Variants in SLC39A11 observed in about 807,000 individuals in gnomAD.
The protein encoded by SLC39A11 is solute carrier family 39 member 11.
SLC39A11 carries 33 observed loss-of-function variants against 36.1 expected under a neutral mutation model. The observed-to-expected ratio is 0.91, with a 90% CI of 0.69 to 1.22. SLC39A11 has a LOEUF of 1.22. Ranked by LOEUF, SLC39A11 falls within the 50% of genes most tolerant of loss-of-function variation. The pLI, the probability that SLC39A11 is intolerant of heterozygous loss-of-function variation, is 0.00. For synonymous variants in SLC39A11, 166 were observed against 170.3 expected (o/e 0.97, Z 0.20); for missense variants, 432 against 430.3 (o/e 1.00, Z -0.03).
intron 4 of SLC39A11, among the ~76,000 whole-genome samples, chr17:73,015,661 G>A (rs946716159): frequency 1.3e-5 from 2 of 152,062 alleles, no homozygotes; most frequent in Admixed American, 6.5e-5. Flanking sequence ...TTGGCTCACT[G>A]CAACCCCCAC....
In SLC39A11 at chr17:72,665,389, G is replaced by GTTTTTTTTTTTTTTTTTTTTTTTTTTTT. The variant is rs780329919; in HGVS notation, c.672-16122_672-16121insAAAAAAAAAAAAAAAAAAAAAAAAAAAA. The stretch of plus-strand genomic sequence containing the variant: ...GGTTTAAGCCACCAAGTTTTGAGGT[G>GTTTTTTTTTTTTTTTTTTTTTTTTTTTT]TTTTTTTTTTTTTTTTTTTTTGAGA... On this transcript the variant is annotated intron_variant, in intron 7 of 9. Coordinates refer to ENST00000255559, the MANE Select transcript of SLC39A11 (RefSeq NM_139177.4). 3.9e-5 allele frequency among the ~76,000 whole-genome samples: 3 copies of GTTTTTTTTTTTTTTTTTTTTTTTTTTTT among 76,636 alleles called. 1 individual carries two copies. Among genetic ancestry groups the GTTTTTTTTTTTTTTTTTTTTTTTTTTTT allele is most frequent in the East Asian group, 3.6e-4 (1 of 2,742 alleles). 50.3% of individuals were successfully genotyped at this position (76,636 alleles called of 152,430 possible). A position where few individuals can be genotyped will look rare whatever the true frequency, so the allele number is the denominator to read the frequency against.
chr17:72,891,288 G>T (rs1004472578), intron 5 of SLC39A11, among the ~76,000 whole-genome samples: 1 of 152,118 alleles, frequency 6.6e-6, no homozygotes, highest in African/African-American at 2.4e-5. Context: ...GGGCGTGGTG[G>T]CACATGCCTG....
intron 4 of SLC39A11, among the ~76,000 whole-genome samples, chr17:73,020,680 CTTTTTTTTTTT>C (rs71154945): frequency 1.0e-5 from 1 of 98,890 alleles, no homozygotes; most frequent in Non-Finnish European, 1.9e-5. Flanking sequence ...TTGTTTCTTT[CTTTTTTTTTTT>C]TTTTTTTTTT....
At chr17:72,990,618 G>C (rs1271419465) in intron 4 of SLC39A11, among the ~76,000 whole-genome samples, 1 of 152,128 alleles carries the variant, frequency 6.6e-6, no homozygotes, top group Non-Finnish European at 1.5e-5. Flanking sequence ...AGTAGAGACA[G>C]GGTTTCACCA....
intron 5 of SLC39A11, among the ~76,000 whole-genome samples, chr17:72,932,964 G>A (rs1018960572): frequency 1.3e-5 from 2 of 152,200 alleles, no homozygotes; most frequent in East Asian, 1.9e-4. Flanking sequence ...TTCATCTACC[G>A]AAAACCTACA....
intron 6 of SLC39A11, among the ~76,000 whole-genome samples, chr17:72,746,955 A>G (rs2713981): frequency 0.73 from 110,526 of 151,320 alleles, 40,810 homozygotes; most frequent in African/African-American, 0.8. Context: ...GCTGAGGAGG[A>G]AGGATCGTTT....
At chr17:72,780,860 G>A (rs753897266) in intron 6 of SLC39A11, among the ~76,000 whole-genome samples, 6 of 152,126 alleles carry the variant, frequency 3.9e-5, no homozygotes, top group African/African-American at 9.7e-5. Context: ...GGTGGCAAAC[G>A]TCTGTAATCC....
intron 4 of SLC39A11, among the ~76,000 whole-genome samples, chr17:73,015,224 T>G (rs2090743878): frequency 6.6e-6 from 1 of 152,204 alleles, no homozygotes; most frequent in Admixed American, 6.5e-5. Context: ...CTTCTAAATG[T>G]CTCTCAAACA....
At chr17:72,863,126 C>T (rs577323794) in intron 5 of SLC39A11, among the ~76,000 whole-genome samples, 5 of 152,216 alleles carry the variant, frequency 3.3e-5, no homozygotes, top group Non-Finnish European at 2.9e-5. Flanking sequence ...ACAAAGGAAA[C>T]CCATTAAAAA....
intron 5 of SLC39A11, among the ~76,000 whole-genome samples, chr17:72,904,371 G>A (rs1270715494): frequency 1.3e-5 from 2 of 152,210 alleles, no homozygotes. Flanking sequence ...AACCCAACAC[G>A]TTCAGTCTCC....
At chr17:72,930,105 C>T (rs572715577) in intron 5 of SLC39A11, among the ~76,000 whole-genome samples, 15 of 152,278 alleles carry the variant, frequency 9.9e-5, no homozygotes, top group African/African-American at 2.6e-4. Context: ...TCAAAACCTG[C>T]TTTGTGTAGC....
chr17:72,773,892 A>G (rs2076043649), intron 6 of SLC39A11, among the ~76,000 whole-genome samples: 1 of 152,208 alleles, frequency 6.6e-6, no homozygotes, highest in Admixed American at 6.5e-5. Context: ...CCATCTGCAG[A>G]GTTCCTGAAC....
chr17:72,760,518 G>A (rs960904731), intron 6 of SLC39A11, among the ~76,000 whole-genome samples: 9 of 152,132 alleles, frequency 5.9e-5, no homozygotes, highest in Admixed American at 3.9e-4. Context: ...CACGGCCACT[G>A]AGCCAAGCCA....
intron 6 of SLC39A11, among the ~76,000 whole-genome samples, chr17:72,847,540 A>G (rs1019106230): frequency 1.3e-5 from 2 of 152,208 alleles, no homozygotes; most frequent in Non-Finnish European, 2.9e-5. Flanking sequence ...CTATGATCGT[A>G]TGATAGACAT....
chr17:72,998,160 C>T (rs1357827563), intron 4 of SLC39A11, among the ~76,000 whole-genome samples: 1 of 151,784 alleles, frequency 6.6e-6, no homozygotes, highest in Non-Finnish European at 1.5e-5. Flanking sequence ...CCCTCAGGTT[C>T]GATACTATCC....
intron 6 of SLC39A11, among the ~76,000 whole-genome samples, chr17:72,847,222 G>A (rs554407386): frequency 5.6e-4 from 85 of 152,248 alleles, no homozygotes; most frequent in African/African-American, 1.9e-3. Context: ...GGCCAACATG[G>A]TGAAACCCCG....
intron 3 of SLC39A11, among the ~76,000 whole-genome samples, chr17:73,059,622 T>G (rs912904576): frequency 7.0e-6 from 1 of 143,770 alleles, no homozygotes; most frequent in African/African-American, 2.6e-5. Flanking sequence ...GCCATTGCAC[T>G]CCAGCCTGGG....
chr17:72,903,813 T>A (rs535733707), intron 5 of SLC39A11, among the ~76,000 whole-genome samples: 2 of 152,148 alleles, frequency 1.3e-5, no homozygotes, highest in South Asian at 4.1e-4. Context: ...GAGGTCTCAA[T>A]AACCAGCCTC....
intron 7 of SLC39A11, among the ~76,000 whole-genome samples, chr17:72,690,439 G>T (rs2071974025): frequency 6.6e-6 from 1 of 152,208 alleles, no homozygotes; most frequent in Non-Finnish European, 1.5e-5. Context: ...TGGAGGATTA[G>T]CTTCTCGGGT....
Sources: allele counts gnomAD v4.1 joint callset (sites outside exome capture counted in the v4.1 genomes callset), GRCh38; gene constraint gnomAD v4.1.1; transcripts MANE v1.5; gene names NCBI Gene and HGNC (gene_info 2026-07-23, HGNC 2026-07-21).